The following FARS2 variants were observed in gnomAD, a reference collection of about 807,000 sequenced individuals.
The protein encoded by FARS2 is phenylalanyl-tRNA synthetase 2, mitochondrial.
Under a neutral mutation model 46.4 loss-of-function variants are expected in FARS2, and 40 were observed. The ratio of observed to expected loss-of-function variants is 0.86; its 90% confidence interval spans 0.67 to 1.12. The LOEUF (loss-of-function observed/expected upper bound fraction) is 1.12. Among genes scored for constraint, FARS2 ranks in the 50% most tolerant of loss-of-function variants. The probability of loss-of-function intolerance (pLI) is 0.00; values close to 1 mark genes in which losing one functional copy is unlikely to be tolerated. For synonymous variants in FARS2, 234 were observed against 214.9 expected (o/e 1.09, Z -0.78); for missense variants, 513 against 567.9 (o/e 0.90, Z 0.98).
chr6:5,394,383 G>C (rs907530445), intron 2 of FARS2, among the ~76,000 whole-genome samples: 2 of 152,166 alleles, frequency 1.3e-5, no homozygotes, highest in African/African-American at 4.8e-5. Context: ...TAGATTTGTA[G>C]ACTAGGCACA....
intron 5 of FARS2, among the ~76,000 whole-genome samples, chr6:5,608,714 A>G (rs1276422195): frequency 6.6e-6 from 1 of 152,138 alleles, no homozygotes; most frequent in Admixed American, 6.5e-5. Flanking sequence ...AGATCGCAAC[A>G]GTAACCATCA....
chr6:5,682,273 A>T (rs974302312), intron 6 of FARS2, among the ~76,000 whole-genome samples: 1 of 152,244 alleles, frequency 6.6e-6, no homozygotes, highest in African/African-American at 2.4e-5. Context: ...AAAAATATAC[A>T]TTTGTATTGG....
chr6:5,387,796 C>T (rs1392805442), intron 2 of FARS2, among the ~76,000 whole-genome samples: 3 of 152,138 alleles, frequency 2.0e-5, no homozygotes, highest in African/African-American at 4.8e-5. Flanking sequence ...TCTTCTCTCA[C>T]GATAAGAGAC....
intron 1 of FARS2, among the ~76,000 whole-genome samples, chr6:5,263,440 A>G (rs1385325635): frequency 6.6e-6 from 1 of 152,224 alleles, no homozygotes; most frequent in Non-Finnish European, 1.5e-5. Context: ...TGTGTTGGAC[A>G]TCATTGCCTG....
intron 6 of FARS2, among the ~76,000 whole-genome samples, chr6:5,688,905 C>T (rs1449655465): frequency 2.0e-5 from 3 of 152,146 alleles, no homozygotes; most frequent in Non-Finnish European, 4.4e-5. Flanking sequence ...TTCAGAGATT[C>T]AACTTCTTCC....
intron 5 of FARS2, among the ~76,000 whole-genome samples, chr6:5,546,586 C>T (rs1020120516): frequency 6.6e-6 from 1 of 152,022 alleles, no homozygotes; most frequent in Non-Finnish European, 1.5e-5. Flanking sequence ...CTACTCCATT[C>T]ATTTTTCAGA....
intron 6 of FARS2, chr6:5,665,547 TA>T (rs1582704090): frequency 6.6e-6 from 1 of 152,048 alleles, no homozygotes; most frequent in Non-Finnish European, 1.5e-5. Flanking sequence ...GATAATAAGG[TA>T]GTAAGCTTTA....
chr6:5,634,850 T>C lies in FARS2; in HGVS notation c.1217+21530T>C, dbSNP rs9504457. ...CAGCTAAATCATTCCACGGGCAGATTGATCAATTTCCTGAGCTTTCATCAT... is the reference window on the plus strand; with the variant it reads ...CAGCTAAATCATTCCACGGGCAGATCGATCAATTTCCTGAGCTTTCATCAT... On this transcript the variant is annotated intron_variant, in intron 6 of 6. Coordinates refer to ENST00000274680, the MANE Select transcript of FARS2 (RefSeq NM_006567.5). Among the ~76,000 whole-genome samples the C allele has an allele frequency of 3.8e-3, 573 of 152,326 alleles. 3 individuals are homozygous for C. The highest frequency in any genetic ancestry group is 0.013 in the African/African-American group (551 of 41,564).
At chr6:5,644,196 T>C (rs1214562806) in intron 6 of FARS2, among the ~76,000 whole-genome samples, 2 of 144,590 alleles carry the variant, frequency 1.4e-5, no homozygotes, top group Non-Finnish European at 2.9e-5. Context: ...GCCAGTCATG[T>C]TTGTTGTTTC....
At chr6:5,327,007 CATGGTA>C (rs1354327872) in intron 1 of FARS2, among the ~76,000 whole-genome samples, 1 of 152,160 alleles carries the variant, frequency 6.6e-6, no homozygotes, top group Non-Finnish European at 1.5e-5. Flanking sequence ...AAACCATAAT[CATGGTA>C]ATGGTAAATC....
rs1193249275 is a variant in FARS2, at chr6:5,727,806, C to T, written c.1218-43485C>T. On this transcript the variant is annotated intron_variant, in intron 6 of 6. Transcript: ENST00000274680. This position sits in a 1 kb window ranked among gnomAD's most constrained non-coding sequence, Gnocchi z 4.1. ...GAGCTTCTATACATTCTGCTCGTTG[C>T]CATGTGTCCCCAGCACTTGGATATG... is the stretch of plus-strand genomic sequence containing the variant. Among the ~76,000 whole-genome samples the T allele has an allele frequency of 2.0e-5, 3 of 152,166 alleles. No homozygotes were observed. Among genetic ancestry groups the T allele is most frequent in the Non-Finnish European group, 1.5e-5 (1 of 68,038 alleles).
intron 4 of FARS2, among the ~76,000 whole-genome samples, chr6:5,470,241 A>G (rs1042650697): frequency 6.6e-6 from 1 of 152,260 alleles, no homozygotes; most frequent in Non-Finnish European, 1.5e-5. Context: ...AATGCAAGTA[A>G]AAAACAATAC....
At position 5,600,895 on chromosome 6, in the gene FARS2, C is replaced by T. The variant is rs570870255; in HGVS notation, c.1066-12274C>T. Among the ~76,000 whole-genome samples, 14 of 152,262 alleles carry T rather than the reference C, an allele frequency of 9.2e-5. No homozygotes were observed. In the East Asian group the frequency reaches 2.5e-3, roughly 27 times the overall value. ...TAAATGTTTGTGTCCCTCCCAAATT[C>T]GTACTTTGAGATCCAACCACTAGGG... is the stretch of plus-strand genomic sequence containing the variant. On this transcript the variant is annotated intron_variant, in intron 5 of 6. Transcript: ENST00000274680.
chr6:5,448,895 T>C (rs1764325636), intron 4 of FARS2, among the ~76,000 whole-genome samples: 1 of 152,178 alleles, frequency 6.6e-6, no homozygotes, highest in Admixed American at 6.5e-5. Flanking sequence ...TTTCACAAGA[T>C]GGAGACAGAG....
chr6:5,447,561 A>G (rs1272827117), intron 4 of FARS2, among the ~76,000 whole-genome samples: 1 of 152,200 alleles, frequency 6.6e-6, no homozygotes, highest in Non-Finnish European at 1.5e-5. Flanking sequence ...GGAAGTGGAA[A>G]CTGTTAGGTG....
chr6:5,637,128 G>A (rs768754309), intron 6 of FARS2, among the ~76,000 whole-genome samples: 1 of 152,228 alleles, frequency 6.6e-6, no homozygotes, highest in East Asian at 1.9e-4. Context: ...CCTCAGTGGC[G>A]TGAGAGGCTC....
At chr6:5,709,702 A>G (rs62408090) in intron 6 of FARS2, among the ~76,000 whole-genome samples, 1,377 of 10,878 alleles carry the variant, frequency 0.13, 44 homozygotes, top group African/African-American at 0.27. Context: ...GTGTGTGCGC[A>G]TGCACGTGCA....
intron 1 of FARS2, among the ~76,000 whole-genome samples, chr6:5,349,589 G>A (rs1757444284): frequency 6.6e-6 from 1 of 152,040 alleles, no homozygotes; most frequent in Non-Finnish European, 1.5e-5. Flanking sequence ...TTTTACTAAT[G>A]TCTTCAATTA....
chr6:5,481,876 C>T (rs978416421), intron 4 of FARS2, among the ~76,000 whole-genome samples: 13 of 152,060 alleles, frequency 8.5e-5, no homozygotes, highest in African/African-American at 2.7e-4. Flanking sequence ...CACGTGGAGA[C>T]GCAGCTCTTA....
Sources: allele counts gnomAD v4.1 joint callset (sites outside exome capture counted in the v4.1 genomes callset), GRCh38; gene constraint gnomAD v4.1.1; non-coding constraint Gnocchi (gnomAD v3.1); transcripts MANE v1.5; gene names NCBI Gene and HGNC (gene_info 2026-07-23, HGNC 2026-07-21).